Variants in FRMD4A observed in about 807,000 individuals in gnomAD.
The protein encoded by FRMD4A is FERM domain containing 4A.
FRMD4A carries 29 observed loss-of-function variants against 129.1 expected under a neutral mutation model. The ratio of observed to expected loss-of-function variants is 0.22; its 90% CI spans 0.17 to 0.31. The LOEUF is 0.31. Ranked by LOEUF, FRMD4A falls within the 10% of genes least tolerant of loss-of-function variation. The pLI is 1.00. For synonymous variants in FRMD4A, 634 were observed against 571.6 expected (o/e 1.11, Z -1.56); for missense variants, 1,272 against 1,375.8 (o/e 0.92, Z 1.19).
At chr10:13,969,248 G>A (rs935150296) in intron 2 of FRMD4A, among the ~76,000 whole-genome samples, 1 of 152,200 alleles carries the variant, frequency 6.6e-6, no homozygotes, top group African/African-American at 2.4e-5. Context: ...CCACCCATGG[G>A]GATTACCTCC....
intron 2 of FRMD4A, among the ~76,000 whole-genome samples, chr10:14,182,987 C>T (rs751726343): frequency 3.3e-5 from 5 of 151,956 alleles, no homozygotes; most frequent in Admixed American, 2.0e-4. Flanking sequence ...GATGTTGGTG[C>T]GTGGGGCTGT....
intron 2 of FRMD4A, among the ~76,000 whole-genome samples, chr10:14,266,843 C>A (rs1218341): frequency 0.35 from 53,820 of 151,926 alleles, 10,835 homozygotes; most frequent in African/African-American, 0.56. Flanking sequence ...TTTAGGGTGA[C>A]TAGATGTATA....
chr10:14,182,158 G>A (rs899827449), intron 2 of FRMD4A, among the ~76,000 whole-genome samples: 5 of 152,144 alleles, frequency 3.3e-5, no homozygotes, highest in African/African-American at 7.2e-5. Context: ...GACTGGGGAG[G>A]GGACAAAAAT....
At chr10:13,680,833 G>C (rs113724120) in intron 15 of FRMD4A, among the ~76,000 whole-genome samples, 7 of 151,514 alleles carry the variant, frequency 4.6e-5, no homozygotes, top group African/African-American at 1.7e-4. Flanking sequence ...GACTGCTTGA[G>C]GCTAGGAGTT....
chr10:14,163,181 A>G (rs1485164678), intron 2 of FRMD4A, among the ~76,000 whole-genome samples: 1 of 152,220 alleles, frequency 6.6e-6, no homozygotes, highest in Non-Finnish European at 1.5e-5. Context: ...GGTATCCTAC[A>G]CTGTATTTTT....
At chr10:13,833,026 G>T (rs1047524292) in intron 3 of FRMD4A, among the ~76,000 whole-genome samples, 14 of 152,292 alleles carry the variant, frequency 9.2e-5, no homozygotes, top group African/African-American at 3.1e-4. Context: ...TGTACAGTCT[G>T]CCTTCACACA....
intron 3 of FRMD4A, among the ~76,000 whole-genome samples, chr10:13,818,020 C>T (rs1460758684): frequency 1.3e-5 from 2 of 152,138 alleles, no homozygotes; most frequent in East Asian, 3.9e-4. Flanking sequence ...TATTATGCCA[C>T]CAACTTAAAC....
Position 13,947,793 on chromosome 10 carries a change from T to G in FRMD4A, c.46-88881A>C, listed in dbSNP as rs548280209. ...TTTGAAACTTTCCCAAATGCCTCATTGGATGGTTATTCTCCATGTCATCCA... is the reference window on the plus strand; with the variant it reads ...TTTGAAACTTTCCCAAATGCCTCATGGGATGGTTATTCTCCATGTCATCCA... On this transcript the variant is annotated intron_variant, in intron 2 of 24. Coordinates refer to ENST00000357447, the MANE Select transcript of FRMD4A (RefSeq NM_018027.5). 2.0e-5 allele frequency among the ~76,000 whole-genome samples: 3 copies of G among 152,272 alleles called. No individual in the cohort carries two copies. The East Asian group carries it at 5.8e-4, about 29-fold the overall frequency.
intron 2 of FRMD4A, among the ~76,000 whole-genome samples, chr10:14,006,557 C>T (rs552099056): frequency 6.6e-5 from 10 of 152,192 alleles, no homozygotes; most frequent in East Asian, 5.8e-4. Context: ...GGTTTCCAGG[C>T]GACTGGATTT....
chr10:13,966,256 C>T (rs1016125712), intron 2 of FRMD4A, among the ~76,000 whole-genome samples: 3 of 152,128 alleles, frequency 2.0e-5, no homozygotes, highest in African/African-American at 4.8e-5. Context: ...CTCCTGACCT[C>T]AGGTGATCTG....
At chr10:13,651,375 C>T (rs1401913620) in intron 24 of FRMD4A, 2 of 153,208 alleles carry the variant, frequency 1.3e-5, no homozygotes, top group African/African-American at 2.4e-5. Context: ...TTCAGGGACA[C>T]TGATTACTCA....
chr10:13,972,021 G>T (rs2095521581), intron 2 of FRMD4A: 5 of 1,173,558 alleles, frequency 4.3e-6, no homozygotes, highest in Non-Finnish European at 5.4e-6. Context: ...TAAGCAAAAG[G>T]CTCTTAACTC....
chr10:13,739,263 C>A (rs551183976), intron 11 of FRMD4A, among the ~76,000 whole-genome samples: 30 of 152,284 alleles, frequency 2.0e-4, no homozygotes, highest in African/African-American at 7.0e-4. Context: ...GGATAAAATC[C>A]TTGTATTAAA....
chr10:14,016,431 T>G (rs564836974), intron 2 of FRMD4A, among the ~76,000 whole-genome samples: 27 of 152,366 alleles, frequency 1.8e-4, no homozygotes, highest in African/African-American at 6.5e-4. Context: ...ACGGTTTTCC[T>G]GTTGTCTCAT....
chr10:14,109,844 C>T (rs1369069454), intron 2 of FRMD4A, among the ~76,000 whole-genome samples: 6 of 151,504 alleles, frequency 4.0e-5, no homozygotes, highest in African/African-American at 2.4e-5. Flanking sequence ...TGGTGGCGGG[C>T]GCCTGTAATC....
chr10:14,076,273 A>G (rs1395772440), intron 2 of FRMD4A, among the ~76,000 whole-genome samples: 1 of 152,154 alleles, frequency 6.6e-6, no homozygotes, highest in Non-Finnish European at 1.5e-5. Flanking sequence ...AAAGATGAAA[A>G]TGTGCTTGGG....
intron 6 of FRMD4A, among the ~76,000 whole-genome samples, chr10:13,770,123 T>C (rs1390827388): frequency 6.6e-6 from 1 of 152,222 alleles, no homozygotes; most frequent in Non-Finnish European, 1.5e-5. Flanking sequence ...ACTTGCTCTC[T>C]TCTTGTGGCT....
At chr10:13,660,214 T>C (rs2082529979) in intron 20 of FRMD4A, 102 bp downstream of exon 20, 2 of 765,942 alleles carry the variant, frequency 2.6e-6, no homozygotes, top group Admixed American at 2.2e-5. Context: ...GGAACTAGGT[T>C]GATGTGGATT....
chr10:13,647,689 G>T (rs1290469232), intron 24 of FRMD4A: 2 of 148,286 alleles, frequency 1.3e-5, no homozygotes, highest in African/African-American at 2.5e-5. Context: ...TTATAAAAGT[G>T]TGTTCATTTA....
Sources: allele counts gnomAD v4.1 joint callset (sites outside exome capture counted in the v4.1 genomes callset), GRCh38; gene constraint gnomAD v4.1.1; transcripts MANE v1.5; gene names NCBI Gene and HGNC (gene_info 2026-07-23, HGNC 2026-07-21).